The following CNTNAP5 variants were observed in gnomAD, a reference collection of about 807,000 sequenced individuals.
CNTNAP5 encodes the protein contactin-associated protein-like 5.
CNTNAP5 carries 72 observed loss-of-function variants against 150.2 expected under a neutral mutation model. That is an observed-to-expected ratio of 0.48 (90% CI 0.40 to 0.58). CNTNAP5 has a LOEUF of 0.58. CNTNAP5 is among the 20% of genes least tolerant of loss of function. CNTNAP5 has a pLI of 0.00. For missense variants in CNTNAP5, 1,636 were observed against 1,626.2 expected (o/e 1.01, Z -0.10); for synonymous variants, 672 against 619.8 (o/e 1.08, Z -1.25).
chr2:124,293,088 A>T (rs1161277219), intron 3 of CNTNAP5, among the ~76,000 whole-genome samples: 1 of 152,106 alleles, frequency 6.6e-6, no homozygotes, highest in African/African-American at 2.4e-5. Flanking sequence ...TCTTAAGTTT[A>T]AAAATCCCAC....
At chr2:124,150,161 A>G (rs1684371033) in intron 1 of CNTNAP5, among the ~76,000 whole-genome samples, 1 of 152,224 alleles carries the variant, frequency 6.6e-6, no homozygotes, top group African/African-American at 2.4e-5. Context: ...CCGATTAAAA[A>G]AGGAACAGCA....
chr2:124,614,433 CA>C (rs1328456126), intron 12 of CNTNAP5, among the ~76,000 whole-genome samples: 1 of 152,150 alleles, frequency 6.6e-6, no homozygotes, highest in Non-Finnish European at 1.5e-5. Flanking sequence ...ATAGGCAGAG[CA>C]GCCCCATCGG....
chr2:124,038,777 T>A (rs895603320), intron 1 of CNTNAP5, among the ~76,000 whole-genome samples: 10 of 152,216 alleles, frequency 6.6e-5, no homozygotes, highest in African/African-American at 2.4e-4. Flanking sequence ...GACTTCTGCC[T>A]TATTCTTAAT....
At chr2:124,310,684 G>A (rs1362339502) in intron 3 of CNTNAP5, among the ~76,000 whole-genome samples, 7 of 151,854 alleles carry the variant, frequency 4.6e-5, no homozygotes, top group African/African-American at 7.3e-5. Context: ...CAAAGGCCCC[G>A]TGGGATTTAT....
intron 19 of CNTNAP5, among the ~76,000 whole-genome samples, chr2:124,854,583 TCTTA>T (rs1289615179): frequency 2.6e-5 from 4 of 152,206 alleles, no homozygotes; most frequent in African/African-American, 4.8e-5. Flanking sequence ...TTCTCTAGTG[TCTTA>T]CACCAGCAGG....
intron 16 of CNTNAP5, 88 bp downstream of exon 16, chr2:124,764,235 G>C: frequency 1.0e-6 from 1 of 987,820 alleles, no homozygotes. Context: ...GTGGGCATTT[G>C]TACCAGCAAA....
chr2:124,625,087 GA>G (rs1677691471), intron 12 of CNTNAP5, among the ~76,000 whole-genome samples: 1 of 152,126 alleles, frequency 6.6e-6, no homozygotes, highest in African/African-American at 2.4e-5. Context: ...CTGAAACAGA[GA>G]AAGCCTCCTG....
At chr2:124,314,108 G>A (rs1399731951) in intron 3 of CNTNAP5, among the ~76,000 whole-genome samples, 1 of 152,168 alleles carries the variant, frequency 6.6e-6, no homozygotes, top group Non-Finnish European at 1.5e-5. Context: ...TATTTTCCAA[G>A]TACCAGATTC....
At chr2:124,289,485 C>G (rs1688231362) in intron 3 of CNTNAP5, among the ~76,000 whole-genome samples, 1 of 152,206 alleles carries the variant, frequency 6.6e-6, no homozygotes, top group South Asian at 2.1e-4. Context: ...ACAAATTTGT[C>G]ATCAGTCTCC....
chr2:124,509,682 C>G (rs1283425739), intron 8 of CNTNAP5, among the ~76,000 whole-genome samples: 3 of 152,208 alleles, frequency 2.0e-5, no homozygotes, highest in Non-Finnish European at 4.4e-5. Flanking sequence ...TCCTGCTGCT[C>G]TCCATATTCA....
At chr2:124,553,476 C>G (rs1425760455) in intron 10 of CNTNAP5, among the ~76,000 whole-genome samples, 3 of 145,250 alleles carry the variant, frequency 2.1e-5, no homozygotes, top group Non-Finnish European at 4.5e-5. Flanking sequence ...TGCACTCCAG[C>G]CTTGGTAGCA....
chr2:124,728,346 T>C (rs959420119), intron 13 of CNTNAP5, among the ~76,000 whole-genome samples: 30 of 152,042 alleles, frequency 2.0e-4, no homozygotes, highest in East Asian at 1.4e-3. Flanking sequence ...GAAGTAAGAG[T>C]TTGAGAAGGA....
intron 19 of CNTNAP5, among the ~76,000 whole-genome samples, chr2:124,849,456 A>G (rs374385444): frequency 3.3e-5 from 5 of 152,294 alleles, no homozygotes; most frequent in African/African-American, 1.2e-4. Context: ...ATAGCTAGAA[A>G]TTATGAAGTG....
chr2:124,640,618 C>G (rs999745893), intron 12 of CNTNAP5, among the ~76,000 whole-genome samples: 8 of 152,118 alleles, frequency 5.3e-5, no homozygotes, highest in South Asian at 4.1e-4. Flanking sequence ...ATTTCTGAAG[C>G]CTTTTAAAGG....
rs143572679 is a variant in CNTNAP5, at chr2:124,894,685, C to G, written c.3437-8197C>G. The stretch of plus-strand genomic sequence containing the variant: ...CCTCCCGCCTCAGCCAACTGAGTAG[C>G]TGGGACTACAGAAACACACCACCAC... On this transcript the variant is annotated intron_variant, in intron 21 of 23. Coordinates refer to ENST00000682447, the MANE Select transcript of CNTNAP5 (RefSeq NM_001367498.1). 3.5e-3 allele frequency among the ~76,000 whole-genome samples: 534 copies of G among 151,146 alleles called. 15 individuals carry two copies. Among genetic ancestry groups the G allele is most frequent in the African/African-American group, 0.012 (505 of 40,658 alleles).
intron 3 of CNTNAP5, among the ~76,000 whole-genome samples, chr2:124,322,626 T>G (rs2104670688): frequency 6.6e-6 from 1 of 152,340 alleles, no homozygotes; most frequent in Admixed American, 6.5e-5. Flanking sequence ...AAGTAATTAT[T>G]TAGTAGAGCT....
At chr2:124,706,874 G>GAGAAGAAGAAGA (rs1679665677) in intron 13 of CNTNAP5, among the ~76,000 whole-genome samples, 3 of 104,082 alleles carry the variant, frequency 2.9e-5, no homozygotes, top group South Asian at 3.4e-4. Flanking sequence ...GAAGGGGAAA[G>GAGAAGAAGAAGA]GGAAGAAGAA....
intron 1 of CNTNAP5, among the ~76,000 whole-genome samples, chr2:124,065,538 C>T (rs377030515): frequency 6.6e-6 from 1 of 152,166 alleles, no homozygotes; most frequent in Admixed American, 6.6e-5. Flanking sequence ...CAGATGCCAG[C>T]TCTACCAAGT....
chr2:124,424,817 G>T (rs967324243), intron 4 of CNTNAP5, among the ~76,000 whole-genome samples: 1 of 152,132 alleles, frequency 6.6e-6, no homozygotes, highest in Non-Finnish European at 1.5e-5. Context: ...GCTACAAAAG[G>T]TAGATAAACA....
Sources: gnomAD v4.1 joint callset for allele counts (sites outside exome capture counted in the v4.1 genomes callset) on GRCh38, gnomAD v4.1.1 for gene constraint, MANE v1.5 for transcripts, NCBI Gene and HGNC (gene_info 2026-07-23, HGNC 2026-07-21) for gene names.